Variants in ZSCAN32 observed in about 807,000 individuals in gnomAD.
The protein encoded by ZSCAN32 is zinc finger and SCAN domain-containing protein 32.
ZSCAN32 carries 52 observed loss-of-function variants against 47.4 expected under a neutral mutation model. That is an observed-to-expected ratio of 1.10 (90% CI 0.88 to 1.38). The LOEUF is 1.38. Ranked by LOEUF, ZSCAN32 falls within the 40% of genes most tolerant of loss-of-function variation. The pLI is 0.00. For missense variants in ZSCAN32, 959 were observed against 846.0 expected (o/e 1.13, Z -1.66); for synonymous variants, 346 against 305.7 (o/e 1.13, Z -1.38).
In ZSCAN32 at chr16:3,397,722, A is replaced by G; in HGVS notation, c.-165T>C. On this transcript the variant is annotated 5_prime_UTR_variant, in exon 2 of 7. Transcript: ENST00000396852. ...TGTGTAGAGACTCACAGCGGAAAAA[A>G]AGGGCTCAACTTTGAAGGATGTCTG... 6 of 875,858 alleles carry G rather than the reference A, an allele frequency of 6.9e-6. No homozygotes were observed. Among genetic ancestry groups the G allele is most frequent in the Non-Finnish European group, 8.3e-6 (5 of 600,696 alleles). 54.3% of individuals were successfully genotyped at this position (875,858 alleles called of 1,614,324 possible).
rs751856859 is a variant in ZSCAN32 at position 3,390,015 on chromosome 16, G to A, written c.746C>T (p.Ser249Leu). Residue 249 changes from serine to leucine, a missense_variant, in exon 5 of 7, where the codon TCG becomes TTG. Coordinates refer to ENST00000396852, the MANE Select transcript of ZSCAN32 (RefSeq NM_001284527.2). The stretch of plus-strand genomic sequence containing the variant: ...GAGGGAAGATGGATCCTTACCCAGC[G>A]AGACGTGACTGTCCTTCCTCTGGGT... ...GATQRKDSHV[S>L]LATGVPWGYE... is the part of the protein sequence containing the mutation. The A allele has an allele frequency of 3.7e-5, 60 of 1,611,382 alleles. No homozygotes were observed. Among genetic ancestry groups the A allele is most frequent in the Middle Eastern group, 1.6e-4 (1 of 6,078 alleles).
At chr16:3,393,301 G>A (rs917371336) in intron 3 of ZSCAN32, among the ~76,000 whole-genome samples, 2 of 103,808 alleles carry the variant, frequency 1.9e-5, no homozygotes, top group Non-Finnish European at 3.8e-5. Flanking sequence ...ACAGTGGTGC[G>A]ATCTTGGCTG....
Position 3,383,612 on chromosome 16 carries a change from ACTC to A in ZSCAN32, c.1331_1333del (p.Gly444del), listed in dbSNP as rs1218844963. 1 of 1,612,914 alleles carries A rather than the reference ACTC, an allele frequency of 6.2e-7. No homozygotes were observed. The highest frequency in any genetic ancestry group is 2.2e-5 in the East Asian group (1 of 44,868). ...TTTTTGTAGCTCAGAGTGCCAATAAACTCCTCTGGACTTTCTCTGTAAAGCCTT... is the reference window on the plus strand; with the variant it reads ...TTTTTGTAGCTCAGAGTGCCAATAAACTCTGGACTTTCTCTGTAAAGCCTT... On this transcript the variant is annotated inframe_deletion, in exon 7 of 7. Coordinates refer to ENST00000396852, the MANE Select transcript of ZSCAN32 (RefSeq NM_001284527.2).
chr16:3,383,337 C>T lies in ZSCAN32; in HGVS notation c.1609G>A (p.Val537Ile), dbSNP rs1220084180. Residue 537 changes from valine to isoleucine, a missense_variant, in exon 7 of 7, where the codon GTT becomes ATT. Transcript: ENST00000396852. ...GKTFSRSSYL[V>I]RHQRIHTGEK... ...CCTGTGTGGATTCTTTGATGCCGAA[C>T]AAGATAAGAACTTCGGCTAAAGGTT... The T allele has an allele frequency of 6.2e-7, 1 of 1,614,066 alleles. No homozygotes were observed. The highest frequency in any genetic ancestry group is 1.3e-5 in the African/African-American group (1 of 74,928).
At chr16:3,400,431 G>T (rs1210490879) in intron 1 of ZSCAN32, among the ~76,000 whole-genome samples, 1 of 152,150 alleles carries the variant, frequency 6.6e-6, no homozygotes, top group African/African-American at 2.4e-5. Context: ...ACTTCATGCA[G>T]AAGGCGGAAC....
At chr16:3,392,127 C>T (rs2032775791) in intron 3 of ZSCAN32, among the ~76,000 whole-genome samples, 1 of 152,116 alleles carries the variant, frequency 6.6e-6, no homozygotes, top group East Asian at 1.9e-4. Context: ...TGAAAGAAGG[C>T]AGACACAAAA....
At chr16:3,390,309 T>C (rs1251434375) in intron 4 of ZSCAN32, 114 bp downstream of exon 4, 2 of 1,356,696 alleles carry the variant, frequency 1.5e-6, no homozygotes, top group East Asian at 2.5e-5. Flanking sequence ...AGAATCAAAA[T>C]AACCCGAGAA....
intron 1 of ZSCAN32, among the ~76,000 whole-genome samples, chr16:3,397,968 C>T (rs991594751): frequency 6.6e-6 from 1 of 152,214 alleles, no homozygotes; most frequent in African/African-American, 2.4e-5. Flanking sequence ...CCAACTCCAT[C>T]TTGCTTTTAA....
rs200899230 is a variant in ZSCAN32, at chr16:3,383,145, C to T, written c.1801G>A (p.Gly601Arg). 136 of 1,614,186 alleles carry T rather than the reference C, an allele frequency of 8.4e-5. No homozygotes were observed. The highest frequency in any genetic ancestry group is 1.3e-4 in the African/African-American group (10 of 75,044). ...SLIVHQRTHT[G>R]EKPYQCIVCG... ...ACAATGCACTGGTAAGGCTTTTCCC[C>T]GGTATGGGTCCTCTGGTGGACAATG... Residue 601 changes from glycine (G) to arginine (R), a missense_variant, in exon 7 of 7, where the codon GGG becomes AGG. By Grantham distance (125) the Gly-to-Arg change is moderately radical. Coordinates refer to ENST00000396852, the MANE Select transcript of ZSCAN32 (RefSeq NM_001284527.2).
chr16:3,394,627 C>T (rs1002099475), intron 2 of ZSCAN32, among the ~76,000 whole-genome samples: 5 of 152,240 alleles, frequency 3.3e-5, no homozygotes, highest in Middle Eastern at 3.4e-3. Context: ...CCTGTCCCTC[C>T]GTAGTAACAG....
intron 1 of ZSCAN32, among the ~76,000 whole-genome samples, chr16:3,399,391 C>T (rs2150913194): frequency 6.6e-6 from 1 of 152,066 alleles, no homozygotes; most frequent in East Asian, 1.9e-4. Context: ...GTAAATTGGG[C>T]AAATGTAAGA....
chr16:3,392,455 C>T (rs376883693), intron 3 of ZSCAN32, among the ~76,000 whole-genome samples: 4 of 150,966 alleles, frequency 2.6e-5, no homozygotes, highest in Admixed American at 6.6e-5. Flanking sequence ...TCAAGCTATC[C>T]TCCCGCTTCA....
rs1180416267 is a variant in ZSCAN32, at chr16:3,383,356, A to G, written c.1590T>C (p.Phe530=). Residue 530 remains phenylalanine (F), a synonymous_variant, in exon 7 of 7, where the codon TTT becomes TTC. Coordinates refer to ENST00000396852, the MANE Select transcript of ZSCAN32 (RefSeq NM_001284527.2). Reference sequence around the variant, plus strand: ...GCCGAACAAGATAAGAACTTCGGCTAAAGGTTTTCCCACATTCAGGACATT... The same window carrying G: ...GCCGAACAAGATAAGAACTTCGGCTGAAGGTTTTCCCACATTCAGGACATT... ...VSQCPECGKT[F]SRSSYLVRHQ... The G allele has an allele frequency of 1.9e-6, 3 of 1,614,084 alleles. No homozygotes were observed. The highest frequency in any genetic ancestry group is 2.5e-6 in the Non-Finnish European group (3 of 1,180,046).
rs756632308 is a variant in ZSCAN32, at chr16:3,383,084, C to T, written c.1862G>A (p.Ser621Asn). 3.7e-6 allele frequency: 6 copies of T among 1,614,184 alleles called. No individual in the cohort carries two copies. The highest frequency in any genetic ancestry group is 1.7e-5 in the Admixed American group (1 of 60,022). The change falls in exon 7 of 7, where the codon AGT (serine) becomes AAT (asparagine). Residue 621 changes from serine to asparagine, a missense_variant. By Grantham distance (46) the Ser-to-Asn change is conservative. Transcript: ENST00000396852. ...GKRFNNSSQF[S>N]AHRRIHTGES... ...CCCAGTGTGGATGCGCCGGTGAGCA[C>T]TGAACTGGGAACTGTTGTTGAATCT... is the stretch of plus-strand genomic sequence containing the variant.
rs970220967 is a variant in ZSCAN32, at chr16:3,389,953, G to C, written c.751+57C>G. The stretch of plus-strand genomic sequence containing the variant: ...TCTCCCTCCCTCTCAAGTCCTTTCA[G>C]CCTCTCTGAACAACTGAACACATCC... On this transcript the variant is annotated intron_variant, in intron 5 of 6. Coordinates refer to ENST00000396852, the MANE Select transcript of ZSCAN32 (RefSeq NM_001284527.2). The C allele has an allele frequency of 2.7e-6, 4 of 1,503,752 alleles. No individual in the cohort carries two copies. In the African/African-American group the frequency reaches 4.1e-5, roughly 16 times the overall value. 93.2% of individuals were successfully genotyped at this position (1,503,752 alleles called of 1,614,324 possible).
chr16:3,383,194 T>C lies in ZSCAN32; in HGVS notation c.1752A>G (p.Lys584=). 2 of 1,614,134 alleles carry C rather than the reference T, an allele frequency of 1.2e-6. No homozygotes were observed. Among genetic ancestry groups the C allele is most frequent in the Non-Finnish European group, 1.7e-6 (2 of 1,180,010 alleles). ...TGAGGCTGGAACTCTGGTTGAAGCT[T>C]TTCCCACATTGCCCACACTGATAGG... The part of the protein sequence containing the change: ...ERPYQCGQCG[K]SFNQSSSLIV... The change falls in exon 7 of 7, where the codon AAA becomes AAG. Residue 584 remains lysine, a synonymous_variant. Transcript: ENST00000396852.
chr16:3,397,178 C>T lies in ZSCAN32; in HGVS notation c.366+14G>A. 2 of 1,495,812 alleles carry T rather than the reference C, an allele frequency of 1.3e-6. No individual in the cohort carries two copies. The highest frequency in any genetic ancestry group is 1.8e-6 in the Non-Finnish European group (2 of 1,122,184). The allele number at this position is 1,495,812 out of a possible 1,614,324, so 92.7% of individuals were successfully genotyped here. The stretch of plus-strand genomic sequence containing the variant: ...CATAACCAAAACCACAAAGTTCCGA[C>T]TTCCTTTTCTCACCTGTTGTCCAGG... On this transcript the variant is annotated intron_variant, in intron 2 of 6. Coordinates refer to ENST00000396852, the MANE Select transcript of ZSCAN32 (RefSeq NM_001284527.2).
chr16:3,396,785 CT>C (rs901001166), intron 2 of ZSCAN32, among the ~76,000 whole-genome samples: 1 of 152,150 alleles, frequency 6.6e-6, no homozygotes, highest in Non-Finnish European at 1.5e-5. Flanking sequence ...CAAGGCCTGG[CT>C]CTAATATAAT....
chr16:3,388,713 G>C (rs149818804), intron 5 of ZSCAN32, among the ~76,000 whole-genome samples: 3 of 152,258 alleles, frequency 2.0e-5, no homozygotes, highest in East Asian at 3.9e-4. Flanking sequence ...AAAGTGTGTG[G>C]GGAATACAAG....
Sources: allele counts gnomAD v4.1 joint callset (sites outside exome capture counted in the v4.1 genomes callset), GRCh38; gene constraint gnomAD v4.1.1; transcripts MANE v1.5; gene names NCBI Gene and HGNC (gene_info 2026-07-23, HGNC 2026-07-21).